TRPC7: variants seen among roughly 807,000 people sequenced by gnomAD.
TRPC7 encodes short transient receptor potential channel 7.
TRPC7 carries 42 observed loss-of-function variants against 90.1 expected under a neutral mutation model. That is an observed-to-expected ratio of 0.47 (90% confidence interval 0.36 to 0.60). The LOEUF (loss-of-function observed/expected upper bound fraction) is 0.60. Ranked by LOEUF, TRPC7 falls within the 20% of genes least tolerant of loss-of-function variation. The pLI is 0.00. For synonymous variants in TRPC7, 451 were observed against 436.3 expected, an observed-to-expected ratio of 1.03 and a Z score of -0.42; for missense variants, 955 against 1,112.3, an observed-to-expected ratio of 0.86 and a Z score of 2.01.
intron 3 of TRPC7, among the ~76,000 whole-genome samples, chr5:136,296,073 G>T (rs1415213772): frequency 6.6e-6 from 1 of 152,182 alleles, no homozygotes; most frequent in African/African-American, 2.4e-5. Context: ...CATGGAAAGT[G>T]GTAAGGCTCC....
At chr5:136,272,906 T>A (rs181946128) in intron 4 of TRPC7, among the ~76,000 whole-genome samples, 29 of 152,262 alleles carry the variant, frequency 1.9e-4, no homozygotes, top group Admixed American at 1.8e-3. Flanking sequence ...CACTTTTTAA[T>A]GGGATCACAT....
chr5:136,218,566 G>C (rs1755349870), intron 10 of TRPC7, among the ~76,000 whole-genome samples: 1 of 152,152 alleles, frequency 6.6e-6, no homozygotes. Context: ...ATGGTGTTGA[G>C]GAAAATTCTT....
chr5:136,248,113 G>A (rs1393426518), intron 6 of TRPC7, among the ~76,000 whole-genome samples: 2 of 152,164 alleles, frequency 1.3e-5, no homozygotes, highest in African/African-American at 4.8e-5. Flanking sequence ...CAGGCCACTT[G>A]CTATTCTGTC....
At chr5:136,280,311 G>A (rs530367883) in intron 3 of TRPC7, among the ~76,000 whole-genome samples, 1 of 152,144 alleles carries the variant, frequency 6.6e-6, no homozygotes, top group Non-Finnish European at 1.5e-5. Context: ...GTCAAGTTGT[G>A]GATAGACATA....
chr5:136,317,386 GTC>G (rs1759055528), intron 2 of TRPC7, among the ~76,000 whole-genome samples: 1 of 152,334 alleles, frequency 6.6e-6, no homozygotes, highest in South Asian at 2.1e-4. Flanking sequence ...AACAAGGCAA[GTC>G]TCTGAGTAGT....
intron 2 of TRPC7, among the ~76,000 whole-genome samples, chr5:136,331,590 T>G (rs1207071542): frequency 6.6e-6 from 1 of 152,204 alleles, no homozygotes; most frequent in African/African-American, 2.4e-5. Context: ...ACCCAACTGG[T>G]AAGCTGCAGT....
intron 4 of TRPC7, among the ~76,000 whole-genome samples, chr5:136,272,085 A>C (rs1757229905): frequency 6.6e-6 from 1 of 152,238 alleles, no homozygotes; most frequent in African/African-American, 2.4e-5. Flanking sequence ...TTAGTTGACG[A>C]AGTTTGCAAG....
chr5:136,261,588 C>T (rs1456947997), intron 5 of TRPC7, among the ~76,000 whole-genome samples: 2 of 152,222 alleles, frequency 1.3e-5, no homozygotes, highest in African/African-American at 4.8e-5. Context: ...ACATTGTCAT[C>T]ACTCCCTGGT....
At chr5:136,285,794 TC>T (rs1757692925) in intron 3 of TRPC7, among the ~76,000 whole-genome samples, 1 of 152,160 alleles carries the variant, frequency 6.6e-6, no homozygotes, top group African/African-American at 2.4e-5. Context: ...TCACATTTCT[TC>T]CCATGCCTAT....
chr5:136,276,799 G>A (rs1211481561), intron 3 of TRPC7, among the ~76,000 whole-genome samples: 2 of 152,204 alleles, frequency 1.3e-5, no homozygotes, highest in Non-Finnish European at 2.9e-5. Context: ...ATGAAGAGGA[G>A]CAAGCAATGG....
chr5:136,262,187 T>G (rs1258888827), intron 5 of TRPC7, among the ~76,000 whole-genome samples: 2 of 152,232 alleles, frequency 1.3e-5, no homozygotes, highest in Non-Finnish European at 2.9e-5. Context: ...CAATCATCTA[T>G]TCTCTACATA....
intron 3 of TRPC7, among the ~76,000 whole-genome samples, chr5:136,294,005 A>G (rs556496089): frequency 1.3e-5 from 2 of 152,332 alleles, no homozygotes; most frequent in South Asian, 4.1e-4. Context: ...CAACTATCTG[A>G]TCTTTGACAA....
At chr5:136,312,437 T>C (rs1758862114) in intron 3 of TRPC7, among the ~76,000 whole-genome samples, 1 of 152,100 alleles carries the variant, frequency 6.6e-6, no homozygotes, top group Non-Finnish European at 1.5e-5. Flanking sequence ...CAGAGAACTT[T>C]ATAGTTTCTA....
chr5:136,337,747 T>A (rs952606076), intron 2 of TRPC7, among the ~76,000 whole-genome samples: 17 of 152,012 alleles, frequency 1.1e-4, no homozygotes, highest in African/African-American at 3.9e-4. Flanking sequence ...GTGAATTATT[T>A]AGAGTATGAA....
intron 5 of TRPC7, among the ~76,000 whole-genome samples, chr5:136,257,477 G>A (rs562160862): frequency 5.9e-5 from 9 of 152,178 alleles, no homozygotes; most frequent in East Asian, 1.9e-4. Context: ...CACCACTTCC[G>A]GCCTGAAATG....
chr5:136,314,175 T>G (rs1183138465), intron 3 of TRPC7: 1 of 152,230 alleles, frequency 6.6e-6, no homozygotes, highest in Non-Finnish European at 1.5e-5. Context: ...CACCATGAGC[T>G]GGGAGGCAGG....
intron 2 of TRPC7, among the ~76,000 whole-genome samples, chr5:136,318,226 C>T (rs963168093): frequency 6.6e-6 from 1 of 152,186 alleles, no homozygotes; most frequent in African/African-American, 2.4e-5. Flanking sequence ...AGACACACTC[C>T]TCACTGTAAT....
chr5:136,221,002 AATAGATATAGAAAATAGAT>A (rs757530239), intron 10 of TRPC7, among the ~76,000 whole-genome samples: 5 of 152,070 alleles, frequency 3.3e-5, no homozygotes, highest in Admixed American at 2.0e-4. Flanking sequence ...CTATTCTAGA[AATAGATATAGAAAATAGAT>A]ATAGATATAG....
intron 3 of TRPC7, among the ~76,000 whole-genome samples, chr5:136,285,638 C>G (rs534495897): frequency 1.9e-4 from 29 of 152,304 alleles, no homozygotes; most frequent in Non-Finnish European, 4.0e-4. Flanking sequence ...AGCAAAGACA[C>G]TACCCTCAGA....
Sources: allele counts gnomAD v4.1 joint callset (sites outside exome capture counted in the v4.1 genomes callset), GRCh38; gene constraint gnomAD v4.1.1; transcripts MANE v1.5; gene names NCBI Gene and HGNC (gene_info 2026-07-23, HGNC 2026-07-21).